DYNC2H1: variants seen among roughly 807,000 people sequenced by gnomAD.
DYNC2H1 encodes dynein cytoplasmic 2 heavy chain 1, also known as cytoplasmic dynein 2 heavy chain 1.
DYNC2H1 carries 410 observed loss-of-function variants against 570.0 expected under a neutral mutation model. That is an observed-to-expected ratio of 0.72 (90% CI 0.66 to 0.78). DYNC2H1 has a LOEUF of 0.78. DYNC2H1 is among the 30% of genes least tolerant of loss of function. The pLI is 0.00. For synonymous variants in DYNC2H1, 1,688 were observed against 1,677.6 expected (o/e 1.01, Z -0.15); for missense variants, 4,865 against 5,046.4 (o/e 0.96, Z 1.09).
chr11:103,425,068 T>C, intron 84 of DYNC2H1, among the ~76,000 whole-genome samples: 1 of 152,046 alleles, frequency 6.6e-6, no homozygotes, highest in East Asian at 1.9e-4. Context: ...CCTGAGTAGC[T>C]AGGAGTATAG....
intron 17 of DYNC2H1, among the ~76,000 whole-genome samples, chr11:103,139,802 G>A (rs1281372706): frequency 3.3e-5 from 5 of 152,036 alleles, no homozygotes; most frequent in African/African-American, 4.8e-5. Flanking sequence ...TCTGTCTAAT[G>A]TTGACAGTGG....
chr11:103,156,448 C>T lies in DYNC2H1; in HGVS notation c.3805C>T (p.Leu1269Phe). The change falls in exon 26 of 89, where the codon CTT becomes TTT. Residue 1269 changes from leucine to phenylalanine, a missense_variant. Physicochemically the swap from Leu to Phe is conservative, Grantham distance 22 (BLOSUM62 0). Coordinates refer to ENST00000375735, the MANE Select transcript of DYNC2H1 (RefSeq NM_001377.3). ...TIREALRELD[L>F]WGVGAVFTLI... ...CAGAGAAGCTTTACGTGAACTTGAT[C>T]TTTGGGGAGTTGGAGCAGTGTTTAC... 10 of 1,613,628 alleles carry T rather than the reference C, an allele frequency of 6.2e-6. No homozygotes were observed. The highest frequency in any genetic ancestry group is 8.5e-6 in the Non-Finnish European group (10 of 1,179,702).
At chr11:103,222,212 TA>T (rs1863614636) in intron 58 of DYNC2H1, 59 bp downstream of exon 58, 1 of 1,216,368 alleles carries the variant, frequency 8.2e-7, no homozygotes, top group African/African-American at 1.5e-5. Context: ...TTCTGCTTTT[TA>T]AAATGTGGTG....
intron 17 of DYNC2H1, among the ~76,000 whole-genome samples, chr11:103,140,001 G>T (rs1330311238): frequency 2.6e-5 from 4 of 151,942 alleles, no homozygotes; most frequent in African/African-American, 9.7e-5. Flanking sequence ...ATCTTTGTTG[G>T]TTTAAAGTCT....
At chr11:103,134,627 T>C (rs1591292906) in intron 15 of DYNC2H1, among the ~76,000 whole-genome samples, 1 of 152,142 alleles carries the variant, frequency 6.6e-6, no homozygotes, top group African/African-American at 2.4e-5. Flanking sequence ...AATAAGTTCC[T>C]GTAGTGTCTT....
At chr11:103,419,563 T>A (rs1445550249) in intron 84 of DYNC2H1, among the ~76,000 whole-genome samples, 1 of 150,104 alleles carries the variant, frequency 6.7e-6, no homozygotes. Context: ...GTGGCCTGAC[T>A]GGTTAAAAAA....
intron 65 of DYNC2H1, among the ~76,000 whole-genome samples, chr11:103,247,901 C>T (rs1258392976): frequency 2.0e-5 from 3 of 151,864 alleles, no homozygotes; most frequent in Non-Finnish European, 4.4e-5. Flanking sequence ...TTTGGTGTAC[C>T]TGAAGGGTAT....
At chr11:103,312,091 A>G (rs1867616592) in intron 79 of DYNC2H1, 58 bp downstream of exon 79, 9 of 1,545,888 alleles carry the variant, frequency 5.8e-6, no homozygotes, top group Non-Finnish European at 7.0e-6. Flanking sequence ...ATGTTAAAAT[A>G]TTTTTGTGGC....
chr11:103,301,809 T>C (rs1867059866), intron 75 of DYNC2H1, among the ~76,000 whole-genome samples: 1 of 151,956 alleles, frequency 6.6e-6, no homozygotes, highest in Non-Finnish European at 1.5e-5. Flanking sequence ...TTTTAAAGTG[T>C]TTATTATTCT....
intron 54 of DYNC2H1, among the ~76,000 whole-genome samples, chr11:103,213,808 G>T (rs1407353680): frequency 1.3e-5 from 2 of 152,012 alleles, no homozygotes; most frequent in Non-Finnish European, 2.9e-5. Context: ...TGTTTCCTTT[G>T]CTGTGAAGAA....
chr11:103,324,580 T>TA lies in DYNC2H1; in HGVS notation c.12039+591dup, dbSNP rs1168112522. On this transcript the variant is annotated intron_variant, in intron 82 of 88. Transcript: ENST00000375735. This position sits in a 1 kb window ranked among gnomAD's most constrained non-coding sequence, Gnocchi z 5.2. ...CTTATGTTGCATATTCCATGTTGTC[T>TA]ATGTATCACATTTTCTTTATTCAGT... 6.6e-6 allele frequency among the ~76,000 whole-genome samples: 1 copy of TA among 152,218 alleles called. No individual in the cohort carries two copies. Among genetic ancestry groups the TA allele is most frequent in the Non-Finnish European group, 1.5e-5 (1 of 68,036 alleles).
Position 103,243,604 on chromosome 11 carries a change from A to T in DYNC2H1, c.9820-89A>T. 3.9e-6 allele frequency: 4 copies of T among 1,013,924 alleles called. No individual in the cohort carries two copies. The highest frequency in any genetic ancestry group is 5.7e-6 in the Non-Finnish European group (4 of 696,424). The allele number at this position is 1,013,924 out of a possible 1,614,324, so 62.8% of individuals were successfully genotyped here. ...GCTTGAGAGAAAAGATCATTTAGTA[A>T]TTGATTTATAATTTCTAGAAAACTA... On this transcript the variant is annotated intron_variant, in intron 63 of 88. Transcript: ENST00000375735. The surrounding 1 kb of genome is among the most constrained non-coding windows in gnomAD (Gnocchi z 4.8).
intron 78 of DYNC2H1, among the ~76,000 whole-genome samples, chr11:103,308,588 A>C (rs902805607): frequency 2.0e-5 from 3 of 152,142 alleles, no homozygotes; most frequent in African/African-American, 7.2e-5. Flanking sequence ...TGTTTTTCAT[A>C]GTGGCTACAT....
chr11:103,448,029 C>T (rs1438182890), intron 85 of DYNC2H1, among the ~76,000 whole-genome samples: 1 of 152,108 alleles, frequency 6.6e-6, no homozygotes, highest in African/African-American at 2.4e-5. Flanking sequence ...GGATGATTAA[C>T]AAGTGGCAGG....
At chr11:103,197,459 A>T (rs1218236857) in intron 47 of DYNC2H1, among the ~76,000 whole-genome samples, 1 of 151,854 alleles carries the variant, frequency 6.6e-6, no homozygotes, top group Non-Finnish European at 1.5e-5. Flanking sequence ...CTATTTATTT[A>T]TTTTTTTGAG....
intron 21 of DYNC2H1, among the ~76,000 whole-genome samples, chr11:103,153,045 G>A (rs1435243908): frequency 1.3e-5 from 2 of 152,080 alleles, no homozygotes; most frequent in African/African-American, 4.8e-5. Flanking sequence ...ACTAGGTGCG[G>A]TTAACCACAT....
In DYNC2H1 at chr11:103,117,786, C is replaced by T. The variant is rs750839267; in HGVS notation, c.922C>T (p.Arg308Cys). Residue 308 changes from arginine (R) to cysteine (C), a missense_variant, in exon 6 of 89, where the codon CGC becomes TGC. Arg to Cys is a radical substitution (Grantham distance 180). Transcript: ENST00000375735. ...TCATCTAACAGGTCAGGTGTGGCAGCGCTATGTTCCTCATCCATGGAAAAA... is the reference window on the plus strand; with the variant it reads ...TCATCTAACAGGTCAGGTGTGGCAGTGCTATGTTCCTCATCCATGGAAAAA... ...CNHLTGQVWQ[R>C]YVPHPWKNEK... 55 of 1,612,996 alleles carry T rather than the reference C, an allele frequency of 3.4e-5. No homozygotes were observed. Among genetic ancestry groups the T allele is most frequent in the Middle Eastern group, 1.6e-4 (1 of 6,082 alleles).
At chr11:103,141,853 G>A (rs1383394314) in intron 17 of DYNC2H1, among the ~76,000 whole-genome samples, 1 of 152,200 alleles carries the variant, frequency 6.6e-6, no homozygotes, top group Non-Finnish European at 1.5e-5. Flanking sequence ...AGCTGTGGTG[G>A]GCTCCACCCA....
chr11:103,233,865 TGTGTGTGTGTGTGG>T lies in DYNC2H1; in HGVS notation c.9441-166_9441-153del, dbSNP rs768299087. 9.1e-3 allele frequency among the ~76,000 whole-genome samples: 1,118 copies of T among 122,926 alleles called. 15 individuals are homozygous for T. The highest frequency in any genetic ancestry group is 0.019 in the Middle Eastern group (5 of 258). 80.6% of individuals were successfully genotyped at this position (122,926 alleles called of 152,430 possible). A position where few individuals can be genotyped will look rare whatever the true frequency, so the allele number is the denominator to read the frequency against. On this transcript the variant is annotated intron_variant, in intron 60 of 88. Coordinates refer to ENST00000375735, the MANE Select transcript of DYNC2H1 (RefSeq NM_001377.3). Reference sequence around the variant, plus strand: ...GTGTGTGTGTGTGTGTGTGTGTGTGTGTGTGTGTGTGTGGGTTTGTCTCTTCTATTAATGATACT... The same window carrying T: ...GTGTGTGTGTGTGTGTGTGTGTGTGTGTTTGTCTCTTCTATTAATGATACT...
Sources: gnomAD v4.1 joint callset for allele counts (sites outside exome capture counted in the v4.1 genomes callset) on GRCh38, gnomAD v4.1.1 for gene constraint, Gnocchi (gnomAD v3.1) non-coding constraint, MANE v1.5 for transcripts, NCBI Gene and HGNC (gene_info 2026-07-23, HGNC 2026-07-21) for gene names.